The following OR9Q1 variants were observed in gnomAD, a reference collection of about 807,000 sequenced individuals.
OR9Q1 encodes olfactory receptor family 9 subfamily Q member 1.
For missense variants in OR9Q1, 374 were observed against 378.8 expected (o/e 0.99, Z 0.11); for synonymous variants, 153 against 148.6 (o/e 1.03, Z -0.22).
At chr11:58,072,614 A>G (rs1853498852) in intron 2 of OR9Q1, 1 of 154,160 alleles carries the variant, frequency 6.5e-6, no homozygotes, top group African/African-American at 2.4e-5. Flanking sequence ...TGGGGTTGTC[A>G]TCTCTTCAGT....
intron 2 of OR9Q1, chr11:58,119,198 C>G: frequency 2.5e-6 from 4 of 1,613,934 alleles, no homozygotes; most frequent in Non-Finnish European, 3.4e-6. Flanking sequence ...GCCAATGTGG[C>G]TAGGATCTGA....
intron 2 of OR9Q1, chr11:58,117,275 A>C (rs960315712): frequency 9.9e-5 from 15 of 152,180 alleles, no homozygotes; most frequent in Admixed American, 9.8e-4. Flanking sequence ...TGCAAAATTA[A>C]ATCATTTACC....
intron 2 of OR9Q1, among the ~76,000 whole-genome samples, chr11:58,074,341 G>A (rs1276797742): frequency 6.6e-6 from 1 of 152,094 alleles, no homozygotes; most frequent in Non-Finnish European, 1.5e-5. Context: ...GTTTTGATTT[G>A]CATTTCTCTA....
chr11:58,123,356 T>C (rs549767177), intron 2 of OR9Q1, among the ~76,000 whole-genome samples: 10 of 152,232 alleles, frequency 6.6e-5, no homozygotes, highest in Admixed American at 1.3e-4. Context: ...TTTCTCAGTA[T>C]CTACTTCTGA....
At chr11:58,068,887 G>A (rs1853460015) in intron 2 of OR9Q1, among the ~76,000 whole-genome samples, 1 of 152,086 alleles carries the variant, frequency 6.6e-6, no homozygotes, top group Non-Finnish European at 1.5e-5. Flanking sequence ...CGGGAAAAGT[G>A]CAGCGCTGGA....
intron 2 of OR9Q1, among the ~76,000 whole-genome samples, chr11:58,124,894 A>G (rs1308961633): frequency 6.6e-6 from 1 of 152,184 alleles, no homozygotes; most frequent in African/African-American, 2.4e-5. Context: ...ACATTAGTTC[A>G]TATAATTCAT....
chr11:58,031,810 G>A (rs759732975), intron 1 of OR9Q1: 71 of 1,613,858 alleles, frequency 4.4e-5, no homozygotes, highest in Non-Finnish European at 5.1e-5. Context: ...CTGTTGTCAC[G>A]CCCATGCTCA....
At chr11:58,121,867 G>A (rs1477758208) in intron 2 of OR9Q1, among the ~76,000 whole-genome samples, 1 of 151,986 alleles carries the variant, frequency 6.6e-6, no homozygotes, top group Non-Finnish European at 1.5e-5. Context: ...GTCTGTGATT[G>A]CCTCCACACC....
chr11:58,091,242 T>C (rs916862515), intron 2 of OR9Q1, among the ~76,000 whole-genome samples: 4 of 152,210 alleles, frequency 2.6e-5, no homozygotes, highest in Non-Finnish European at 4.4e-5. Context: ...TGTTAGGCTA[T>C]TGATTTTAGA....
chr11:58,044,570 C>G (rs1033877017), intron 1 of OR9Q1: 2 of 152,230 alleles, frequency 1.3e-5, no homozygotes, highest in East Asian at 3.8e-4. Flanking sequence ...GTCCCTCTCT[C>G]TCTTTCTTTC....
intron 2 of OR9Q1, among the ~76,000 whole-genome samples, chr11:58,162,784 T>A (rs901446261): frequency 6.6e-6 from 1 of 152,186 alleles, no homozygotes; most frequent in African/African-American, 2.4e-5. Context: ...GTAACCTTCA[T>A]CCCTCCTACC....
In OR9Q1 at chr11:58,086,706, C is replaced by T. The variant is rs116516379; in HGVS notation, c.-15+30759C>T. Among the ~76,000 whole-genome samples, 84 of 151,692 alleles carry T rather than the reference C, an allele frequency of 5.5e-4. 4 individuals carry two copies. The highest frequency in any genetic ancestry group is 1.9e-3 in the African/African-American group (78 of 41,186). On this transcript the variant is annotated intron_variant, in intron 2 of 2. Transcript: ENST00000335397. ...AAGAAAAATAATTTAAAATTTGTGA[C>T]GACATGAGTGAAACTTGAGGACGTT...
intron 2 of OR9Q1, among the ~76,000 whole-genome samples, chr11:58,065,697 G>A (rs752146336): frequency 3.6e-4 from 55 of 152,274 alleles, no homozygotes; most frequent in South Asian, 1.2e-3. Flanking sequence ...ACACGCCCAG[G>A]CAGAAGTTGC....
chr11:58,115,193 A>G (rs1378611553), intron 2 of OR9Q1, among the ~76,000 whole-genome samples: 2 of 152,208 alleles, frequency 1.3e-5, no homozygotes, highest in Non-Finnish European at 2.9e-5. Flanking sequence ...AAAAATATTT[A>G]TCATAATTAA....
chr11:58,083,434 G>A (rs1286326107), intron 2 of OR9Q1, among the ~76,000 whole-genome samples: 1 of 151,632 alleles, frequency 6.6e-6, no homozygotes, highest in Non-Finnish European at 1.5e-5. Flanking sequence ...TGTGTAGATA[G>A]TTTCTTTTGC....
At chr11:58,034,467 T>C (rs189571187) in intron 1 of OR9Q1, among the ~76,000 whole-genome samples, 6 of 152,168 alleles carry the variant, frequency 3.9e-5, no homozygotes, top group African/African-American at 1.4e-4. Context: ...GAAAGAAGAA[T>C]AATATTTCAT....
At chr11:58,071,486 AAAAAT>A (rs1289859942) in intron 2 of OR9Q1, among the ~76,000 whole-genome samples, 1 of 152,072 alleles carries the variant, frequency 6.6e-6, no homozygotes, top group Non-Finnish European at 1.5e-5. Flanking sequence ...GCATTAAAAA[AAAAAT>A]AAAATAAAAA....
At chr11:58,064,023 G>A (rs559592538) in intron 2 of OR9Q1, among the ~76,000 whole-genome samples, 12 of 152,276 alleles carry the variant, frequency 7.9e-5, no homozygotes, top group East Asian at 1.9e-4. Context: ...GTTGGTTGGC[G>A]AGTGCAGGGC....
intron 2 of OR9Q1, among the ~76,000 whole-genome samples, chr11:58,161,382 A>T (rs993697193): frequency 9.9e-5 from 15 of 152,136 alleles, no homozygotes; most frequent in African/African-American, 3.6e-4. Context: ...AGAGAGAGAG[A>T]GAAGAATGAG....
Sources: gnomAD v4.1 joint callset for allele counts (sites outside exome capture counted in the v4.1 genomes callset) on GRCh38, gnomAD v4.1.1 for gene constraint, MANE v1.5 for transcripts, NCBI Gene and HGNC (gene_info 2026-07-23, HGNC 2026-07-21) for gene names.